RIMS1: variants seen among roughly 807,000 people sequenced by gnomAD.
RIMS1 encodes the protein regulating synaptic membrane exocytosis protein 1.
A neutral mutation model predicts 214.1 loss-of-function variants in RIMS1; 83 were observed. The ratio of observed to expected loss-of-function variants is 0.39; its 90% CI spans 0.32 to 0.47. The LOEUF is 0.47. Ranked by LOEUF, RIMS1 falls within the 20% of genes least tolerant of loss-of-function variation. RIMS1 has a pLI of 0.99. For missense variants in RIMS1, 2,050 were observed against 2,161.8 expected (o/e 0.95, Z 1.03); for synonymous variants, 793 against 786.8 (o/e 1.01, Z -0.13).
At chr6:72,035,310 T>G (rs1168425856) in intron 2 of RIMS1, among the ~76,000 whole-genome samples, 2 of 152,180 alleles carry the variant, frequency 1.3e-5, no homozygotes, top group African/African-American at 4.8e-5. Context: ...GGCTGATTAT[T>G]TCCCAACCTT....
At chr6:72,340,666 T>A (rs573556206) in intron 29 of RIMS1, among the ~76,000 whole-genome samples, 2 of 152,258 alleles carry the variant, frequency 1.3e-5, no homozygotes, top group Admixed American at 1.3e-4. Context: ...ACCAGTACCA[T>A]GCTATTTTCG....
chr6:71,955,896 G>A (rs1791114657), intron 1 of RIMS1, among the ~76,000 whole-genome samples: 1 of 151,986 alleles, frequency 6.6e-6, no homozygotes, highest in African/African-American at 2.4e-5. Flanking sequence ...AACAAACTAT[G>A]GGTGATTTGA....
intron 29 of RIMS1, among the ~76,000 whole-genome samples, chr6:72,367,317 T>C (rs2098068418): frequency 6.6e-6 from 1 of 152,190 alleles, no homozygotes; most frequent in South Asian, 2.1e-4. Flanking sequence ...CCCTTCTAGG[T>C]ACAATTCAGT....
At chr6:72,202,985 C>A (rs116869979) in intron 6 of RIMS1, among the ~76,000 whole-genome samples, 3,933 of 152,104 alleles carry the variant, frequency 0.026, 74 homozygotes, top group Admixed American at 0.046. Flanking sequence ...TTCTTTCTTT[C>A]TTTTTTTATT....
chr6:72,274,428 G>T lies in RIMS1; in HGVS notation c.3478G>T (p.Asp1160Tyr). 6.2e-7 allele frequency: 1 copy of T among 1,611,644 alleles called. No individual in the cohort carries two copies. The highest frequency in any genetic ancestry group is 8.5e-7 in the Non-Finnish European group (1 of 1,177,958). Residue 1160 changes from aspartate (D) to tyrosine (Y), a missense_variant, in exon 23 of 34, where the codon GAC becomes TAC. Asp to Tyr is a radical substitution (Grantham distance 160, BLOSUM62 -3). Transcript: ENST00000521978. ...IQIQHASPENDRHSRKSERSS... is the reference protein window; with the variant it reads ...IQIQHASPENYRHSRKSERSS... ...AATCCAGCATGCGTCTCCGGAGAAT[G>T]ACAGGTACTAGTCAACTCCTCCTCA...
intron 7 of RIMS1, among the ~76,000 whole-genome samples, chr6:72,235,132 C>T (rs1415039142): frequency 6.6e-6 from 1 of 151,928 alleles, no homozygotes. Flanking sequence ...TGTGTCAGTA[C>T]CTATAATGTA....
Position 71,954,122 on chromosome 6 carries a change from G to T in RIMS1, c.165-14861G>T, listed in dbSNP as rs573501974. Among the ~76,000 whole-genome samples, 170 of 152,228 alleles carry T rather than the reference G, an allele frequency of 1.1e-3. 1 individual carries two copies. The highest frequency in any genetic ancestry group is 3.7e-3 in the African/African-American group (155 of 41,544). Reference sequence around the variant, plus strand: ...CCTTTGGTATGAGATGTTGCTGTTAGAAACTGCAGCTAATGCCCATGATTT... The same window carrying T: ...CCTTTGGTATGAGATGTTGCTGTTATAAACTGCAGCTAATGCCCATGATTT... On this transcript the variant is annotated intron_variant, in intron 1 of 33. Transcript: ENST00000521978.
At chr6:72,321,034 G>A (rs778632515) in intron 28 of RIMS1, among the ~76,000 whole-genome samples, 7 of 151,836 alleles carry the variant, frequency 4.6e-5, no homozygotes, top group Non-Finnish European at 7.4e-5. Flanking sequence ...AACCAAGTGC[G>A]GATTGATTGA....
Position 72,258,198 on chromosome 6 carries a change from T to C in RIMS1, c.2844T>C (p.His948=), listed in dbSNP as rs780046300. ...TGCCAGAACAGCAAAGAACAACTCATCACCGCTCACGTTCAGTATCTCCTC... is the reference window on the plus strand; with the variant it reads ...TGCCAGAACAGCAAAGAACAACTCACCACCGCTCACGTTCAGTATCTCCTC... The part of the protein sequence containing the change: ...LTVPEQQRTT[H]HRSRSVSPHR... The change falls in exon 17 of 34, where the codon CAT becomes CAC. Residue 948 remains histidine (H), a synonymous_variant. Transcript: ENST00000521978. 6.2e-7 allele frequency: 1 copy of C among 1,613,398 alleles called. No homozygotes were observed. The highest frequency in any genetic ancestry group is 1.1e-5 in the South Asian group (1 of 91,052).
At chr6:71,928,414 G>A (rs1289925749) in intron 1 of RIMS1, among the ~76,000 whole-genome samples, 1 of 151,952 alleles carries the variant, frequency 6.6e-6, no homozygotes, top group African/African-American at 2.4e-5. Context: ...AATGCTCAAA[G>A]TCCATCTTTC....
At chr6:72,184,773 A>T (rs2153973142) in intron 6 of RIMS1, among the ~76,000 whole-genome samples, 1 of 152,278 alleles carries the variant, frequency 6.6e-6, no homozygotes, top group East Asian at 1.9e-4. Flanking sequence ...GAAAAAAAAA[A>T]AAGTGCCAAA....
intron 2 of RIMS1, among the ~76,000 whole-genome samples, chr6:72,009,315 A>T (rs1392810205): frequency 3.3e-5 from 5 of 152,214 alleles, no homozygotes; most frequent in African/African-American, 1.2e-4. Flanking sequence ...TCTGGGACAC[A>T]TTTAAAGCAG....
intron 4 of RIMS1, among the ~76,000 whole-genome samples, chr6:72,103,737 C>T (rs552952683): frequency 3.3e-5 from 5 of 152,074 alleles, no homozygotes; most frequent in Non-Finnish European, 7.4e-5. Flanking sequence ...GACTGCCAAA[C>T]TTTCCCCAAG....
chr6:71,972,051 GA>G (rs907050572), intron 2 of RIMS1, among the ~76,000 whole-genome samples: 122 of 150,968 alleles, frequency 8.1e-4, no homozygotes, highest in East Asian at 1.2e-3. Flanking sequence ...AGGATACATA[GA>G]AAAAAAAATA....
intron 3 of RIMS1, among the ~76,000 whole-genome samples, chr6:72,098,557 A>G (rs1418541781): frequency 6.6e-6 from 1 of 152,084 alleles, no homozygotes; most frequent in Non-Finnish European, 1.5e-5. Flanking sequence ...GGCTTCCCAA[A>G]GGGCTGGGAT....
chr6:72,161,376 T>C (rs1217990950), intron 4 of RIMS1, among the ~76,000 whole-genome samples: 1 of 140,636 alleles, frequency 7.1e-6, no homozygotes, highest in Non-Finnish European at 1.6e-5. Context: ...GCTTTTTGTG[T>C]CTCTGTGTCC....
rs146180327 is a variant in RIMS1 at position 72,383,597 on chromosome 6, G to C, written c.4367-7001G>C. ...AAGACCAGCCTGGGCAACATAGCAA[G>C]ACCCCATCTCTAAAAAAAAAAAAAA... is the stretch of plus-strand genomic sequence containing the variant. On this transcript the variant is annotated intron_variant, in intron 29 of 33. Transcript: ENST00000521978. Among the ~76,000 whole-genome samples, 647 of 108,206 alleles carry C rather than the reference G, an allele frequency of 6.0e-3. 8 individuals are homozygous for C. Among genetic ancestry groups the C allele is most frequent in the African/African-American group, 0.021 (601 of 28,006 alleles). The allele number at this position is 108,206 out of a possible 152,430, so 71.0% of individuals were successfully genotyped here. A position where few individuals can be genotyped will look rare whatever the true frequency, so the allele number is the denominator to read the frequency against.
chr6:72,086,218 G>A (rs1473562623), intron 2 of RIMS1, among the ~76,000 whole-genome samples: 1 of 152,142 alleles, frequency 6.6e-6, no homozygotes, highest in East Asian at 1.9e-4. Flanking sequence ...TGAAGGAGAC[G>A]ACAAAGGCAA....
intron 1 of RIMS1, among the ~76,000 whole-genome samples, chr6:71,927,043 C>T (rs929741598): frequency 3.3e-5 from 5 of 152,012 alleles, no homozygotes; most frequent in Non-Finnish European, 7.4e-5. Flanking sequence ...CAAAGTACTG[C>T]CATTCCAAAG....
Sources: allele counts gnomAD v4.1 joint callset (sites outside exome capture counted in the v4.1 genomes callset), GRCh38; gene constraint gnomAD v4.1.1; transcripts MANE v1.5; gene names NCBI Gene and HGNC (gene_info 2026-07-23, HGNC 2026-07-21).